The following CNTNAP4 variants were observed in gnomAD, a reference collection of about 807,000 sequenced individuals.
CNTNAP4 encodes contactin associated protein family member 4.
A neutral mutation model predicts 148.4 loss-of-function variants in CNTNAP4; 98 were observed. That is an observed-to-expected ratio of 0.66 (90% confidence interval 0.56 to 0.78). The LOEUF (loss-of-function observed/expected upper bound fraction) is 0.78. Ranked by LOEUF, CNTNAP4 falls within the 30% of genes least tolerant of loss-of-function variation. The pLI is 0.00. For synonymous variants in CNTNAP4, 730 were observed against 565.1 expected (o/e 1.29, Z -4.14); for missense variants, 1,935 against 1,565.6 (o/e 1.24, Z -3.98).
intron 3 of CNTNAP4, among the ~76,000 whole-genome samples, chr16:76,388,958 G>GA (rs1285418485): frequency 6.6e-6 from 1 of 152,092 alleles, no homozygotes; most frequent in Non-Finnish European, 1.5e-5. Flanking sequence ...TAGAGAAAAG[G>GA]AAAGTAATTC....
chr16:76,393,087 A>G (rs969614670), intron 3 of CNTNAP4, among the ~76,000 whole-genome samples: 4 of 152,216 alleles, frequency 2.6e-5, no homozygotes, highest in African/African-American at 9.6e-5. Flanking sequence ...GTTTTTCTGA[A>G]CATGACTCTT....
At position 76,452,542 on chromosome 16, in the gene CNTNAP4, C is replaced by G. The variant is rs1462893454; in HGVS notation, c.1106C>G (p.Ser369Cys). 1 of 1,613,910 alleles carries G rather than the reference C, an allele frequency of 6.2e-7. No homozygotes were observed. The highest frequency in any genetic ancestry group is 8.5e-7 in the Non-Finnish European group (1 of 1,179,890). Residue 369 changes from serine to cysteine, a missense_variant, in exon 8 of 24, where the codon TCT (serine) becomes TGT (cysteine). Physicochemically the swap from Ser to Cys is moderately radical, Grantham distance 112. Coordinates refer to ENST00000611870, the MANE Select transcript of CNTNAP4 (RefSeq NM_033401.5). ...TCATTTTCTTGTTCACAACCACAAT[C>G]TATGCCCGTGACTTTTCTGAGCTCC... is the stretch of plus-strand genomic sequence containing the variant. ...NVSFSCSQPQ[S>C]MPVTFLSSRS... is the part of the protein sequence containing the mutation.
chr16:76,344,036 C>G (rs377306942), intron 2 of CNTNAP4, among the ~76,000 whole-genome samples: 2 of 152,258 alleles, frequency 1.3e-5, no homozygotes, highest in East Asian at 1.9e-4. Context: ...GAAAGCATTT[C>G]TAGAATTGAA....
At chr16:76,406,968 G>A (rs4318236) in intron 3 of CNTNAP4, among the ~76,000 whole-genome samples, 120,992 of 152,142 alleles carry the variant, frequency 0.8, 48,563 homozygotes, top group Non-Finnish European at 0.86. Context: ...CAGATTTTCA[G>A]CATAGATGAA....
At chr16:76,510,857 C>T (rs907457880) in intron 15 of CNTNAP4, among the ~76,000 whole-genome samples, 4 of 152,026 alleles carry the variant, frequency 2.6e-5, no homozygotes, top group African/African-American at 4.8e-5. Flanking sequence ...GGACAGATTT[C>T]CTTTATTTTA....
intron 1 of CNTNAP4, among the ~76,000 whole-genome samples, chr16:76,278,324 C>T (rs1222724284): frequency 6.6e-6 from 1 of 152,190 alleles, no homozygotes; most frequent in Non-Finnish European, 1.5e-5. Context: ...GAGAATGAGA[C>T]TTAGCGCTCT....
intron 3 of CNTNAP4, among the ~76,000 whole-genome samples, chr16:76,363,336 A>T (rs2013675638): frequency 6.6e-6 from 1 of 151,656 alleles, no homozygotes; most frequent in Non-Finnish European, 1.5e-5. Flanking sequence ...CTAATTTTTT[A>T]TTTTCAGTAG....
At chr16:76,326,662 G>A (rs1485840635) in intron 2 of CNTNAP4, among the ~76,000 whole-genome samples, 2 of 152,054 alleles carry the variant, frequency 1.3e-5, no homozygotes, top group African/African-American at 4.8e-5. Context: ...CATGGATAAA[G>A]CTGGAAACCA....
chr16:76,361,445 G>A (rs1206501880), intron 3 of CNTNAP4, among the ~76,000 whole-genome samples: 1 of 152,064 alleles, frequency 6.6e-6, no homozygotes, highest in Non-Finnish European at 1.5e-5. Context: ...GCGTTATGTC[G>A]TCAAAGTTTG....
intron 9 of CNTNAP4, among the ~76,000 whole-genome samples, chr16:76,466,668 A>G (rs1182380712): frequency 5.3e-5 from 8 of 152,050 alleles, no homozygotes; most frequent in African/African-American, 1.9e-4. Context: ...TATATTTATT[A>G]TTTAAATAAT....
intron 15 of CNTNAP4, 115 bp from the exon 16 acceptor site, chr16:76,521,025 A>G: frequency 5.2e-6 from 5 of 958,514 alleles, no homozygotes; most frequent in Non-Finnish European, 6.3e-6. Flanking sequence ...ATTTGTATAA[A>G]TAACATTTTA....
At chr16:76,471,715 A>T (rs189246147) in intron 10 of CNTNAP4, among the ~76,000 whole-genome samples, 51 of 152,210 alleles carry the variant, frequency 3.4e-4, no homozygotes, top group African/African-American at 1.2e-3. Context: ...GGTTTATTCC[A>T]GTTGATTTGA....
rs180811035 is a variant in CNTNAP4 at position 76,281,982 on chromosome 16, T to G, written c.85+4235T>G. ...ATTGTTTACCCTCTTACTATGTAACTACTTACATAAGATTCTTTACTCTCT... is the reference window on the plus strand; with the variant it reads ...ATTGTTTACCCTCTTACTATGTAACGACTTACATAAGATTCTTTACTCTCT... On this transcript the variant is annotated intron_variant, in intron 1 of 23. Transcript: ENST00000611870. Among the ~76,000 whole-genome samples the G allele has an allele frequency of 2.6e-3, 390 of 152,088 alleles. 2 individuals are homozygous for G. Among genetic ancestry groups the G allele is most frequent in the African/African-American group, 9.0e-3 (373 of 41,548 alleles).
intron 21 of CNTNAP4, 40 bp downstream of exon 21, chr16:76,540,830 C>T (rs974283154): frequency 7.4e-7 from 1 of 1,357,964 alleles, no homozygotes; most frequent in Admixed American, 2.0e-5. Flanking sequence ...CCATGCTAAT[C>T]ATGATACATA....
At chr16:76,446,229 A>G (rs985511757) in intron 4 of CNTNAP4, among the ~76,000 whole-genome samples, 2 of 152,210 alleles carry the variant, frequency 1.3e-5, no homozygotes, top group Admixed American at 6.5e-5. Flanking sequence ...ACAAGTAGCT[A>G]TAATAACTTT....
At chr16:76,357,006 A>G (rs2012743999) in intron 3 of CNTNAP4, among the ~76,000 whole-genome samples, 1 of 151,770 alleles carries the variant, frequency 6.6e-6, no homozygotes, top group Non-Finnish European at 1.5e-5. Context: ...TTAAAATCCA[A>G]AGCAAGTTGA....
rs549389351 is a variant in CNTNAP4 at position 76,507,945 on chromosome 16, C to G, written c.2365+9251C>G. Among the ~76,000 whole-genome samples the G allele has an allele frequency of 1.7e-4, 17 of 97,608 alleles. 5 individuals are homozygous for G. In the South Asian group the frequency reaches 6.2e-3, roughly 36 times the overall value. The allele number at this position is 97,608 out of a possible 152,430, so 64.0% of individuals were successfully genotyped here. On this transcript the variant is annotated intron_variant, in intron 15 of 23. Coordinates refer to ENST00000611870, the MANE Select transcript of CNTNAP4 (RefSeq NM_033401.5). ...AATTCTTTTACCAAACCCTTTCACA[C>G]TCAGATTAAAACTCTTCCACCATGA...
intron 21 of CNTNAP4, among the ~76,000 whole-genome samples, chr16:76,548,295 C>CATTTTTTTTTTTTTTTT (rs759580311): frequency 1.2e-4 from 11 of 92,930 alleles, no homozygotes; most frequent in Non-Finnish European, 1.9e-4. Context: ...TTCACTGCAC[C>CATTTTTTTTTTTTTTTT]TTTTTTTTTT....
chr16:76,418,269 T>A (rs997432792), intron 3 of CNTNAP4, among the ~76,000 whole-genome samples: 1 of 151,364 alleles, frequency 6.6e-6, no homozygotes, highest in South Asian at 2.1e-4. Flanking sequence ...CCCACAATTC[T>A]TGATACTATC....
Sources: allele counts gnomAD v4.1 joint callset (sites outside exome capture counted in the v4.1 genomes callset), GRCh38; gene constraint gnomAD v4.1.1; transcripts MANE v1.5; gene names NCBI Gene and HGNC (gene_info 2026-07-23, HGNC 2026-07-21).